SNX7: variants seen among roughly 807,000 people sequenced by gnomAD.
The protein encoded by SNX7 is sorting nexin 7.
SNX7 carries 35 observed loss-of-function variants against 48.4 expected under a neutral mutation model. The ratio of observed to expected loss-of-function variants is 0.72; its 90% CI spans 0.55 to 0.96. SNX7 has a LOEUF of 0.96. SNX7 is among the 40% of genes least tolerant of loss of function. The pLI is 0.00. For missense variants in SNX7, 553 were observed against 548.9 expected, an observed-to-expected ratio of 1.01 and a Z score of -0.07; for synonymous variants, 190 against 190.2, an observed-to-expected ratio of 1.00 and a Z score of 0.01.
At chr1:98,756,071 T>C (rs1306567807) in intron 8 of SNX7, among the ~76,000 whole-genome samples, 1 of 152,042 alleles carries the variant, frequency 6.6e-6, no homozygotes, top group Non-Finnish European at 1.5e-5. Flanking sequence ...GTATTAGATG[T>C]AACTCTTTTG....
chr1:98,736,751 GA>G (rs1398294876), intron 7 of SNX7, among the ~76,000 whole-genome samples: 3 of 152,072 alleles, frequency 2.0e-5, no homozygotes, highest in Non-Finnish European at 4.4e-5. Context: ...TGTGAAATAA[GA>G]ACAGAAGTGA....
chr1:98,701,989 C>T, intron 7 of SNX7, 86 bp downstream of exon 7: 1 of 901,798 alleles, frequency 1.1e-6, no homozygotes. Context: ...ATTGTCCTTA[C>T]ATGATTGTTT....
rs1455973542 is a variant in SNX7, at chr1:98,701,850, G to C, written c.1072G>C (p.Glu358Gln). 3 of 1,611,062 alleles carry C rather than the reference G, an allele frequency of 1.9e-6. No individual in the cohort carries two copies. Among genetic ancestry groups the C allele is most frequent in the Non-Finnish European group, 2.5e-6 (3 of 1,178,498 alleles). Residue 358 changes from glutamate (E) to glutamine (Q), a missense_variant, in exon 7 of 9, where the codon GAA (glutamate) becomes CAA (glutamine). Physicochemically the swap from Glu to Gln is conservative, Grantham distance 29. Transcript: ENST00000306121. ...VMKRRDQIQA[E>Q]LDSKVEVLTY... ...GAAAAGAAGAGACCAAATACAAGCA[G>C]AACTGGATTCCAAAGTTGAAGTTTT...
In SNX7 at chr1:98,694,596, A is replaced by ATTTTTTTT. The variant is rs764330196; in HGVS notation, c.640-900_640-893dup. Among the ~76,000 whole-genome samples the ATTTTTTTT allele has an allele frequency of 2.3e-3, 125 of 53,226 alleles. 20 individuals carry two copies. The highest frequency in any genetic ancestry group is 5.0e-3 in the African/African-American group (58 of 11,590). 34.9% of individuals were successfully genotyped at this position (53,226 alleles called of 152,430 possible). On this transcript the variant is annotated intron_variant, in intron 4 of 8. Transcript: ENST00000306121. ...TGCTCTACCACTTAATTGCTCTGGGATTTTTTTTTTTTTTTTTTTTTTTTT... is the reference window on the plus strand; with the variant it reads ...TGCTCTACCACTTAATTGCTCTGGGATTTTTTTTTTTTTTTTTTTTTTTTTTTTTTTTT...
At chr1:98,674,850 C>G (rs1470324531) in intron 1 of SNX7, among the ~76,000 whole-genome samples, 1 of 152,174 alleles carries the variant, frequency 6.6e-6, no homozygotes, top group Non-Finnish European at 1.5e-5. Context: ...CACAGGCTTT[C>G]TTCTCTATGA....
At chr1:98,686,950 A>G (rs900036825) in intron 2 of SNX7, among the ~76,000 whole-genome samples, 1 of 152,130 alleles carries the variant, frequency 6.6e-6, no homozygotes, top group Non-Finnish European at 1.5e-5. Context: ...TGTGAGTTTC[A>G]TTCTGATCAT....
intron 4 of SNX7, among the ~76,000 whole-genome samples, chr1:98,692,512 GTAT>G (rs1651196037): frequency 6.6e-6 from 1 of 151,960 alleles, no homozygotes; most frequent in African/African-American, 2.4e-5. Context: ...GGGTCCCATG[GTAT>G]TATTTCAGGT....
chr1:98,729,635 C>T (rs1042872545), intron 7 of SNX7, among the ~76,000 whole-genome samples: 3 of 152,070 alleles, frequency 2.0e-5, no homozygotes, highest in Non-Finnish European at 4.4e-5. Context: ...ATAAACACCT[C>T]TATGCAAATA....
intron 7 of SNX7, among the ~76,000 whole-genome samples, chr1:98,709,426 AT>A (rs1652184153): frequency 6.6e-6 from 1 of 152,152 alleles, no homozygotes. Flanking sequence ...GATACTTTAA[AT>A]TGTATCTGAA....
intron 8 of SNX7, among the ~76,000 whole-genome samples, chr1:98,748,657 C>CACACACAA (rs1288781924): frequency 6.6e-6 from 1 of 151,652 alleles, no homozygotes; most frequent in Non-Finnish European, 1.5e-5. Flanking sequence ...CACACACACA[C>CACACACAA]ACACACACAC....
At position 98,661,782 on chromosome 1, in the gene SNX7, CGGGGGCGCCAACGGGGAGAGCCCG is replaced by C. The variant is rs1269960374; in HGVS notation, c.59_82del (p.Ala20_Gly27del). The C allele has an allele frequency of 5.6e-6, 7 of 1,243,054 alleles. No individual in the cohort carries two copies. Among genetic ancestry groups the C allele is most frequent in the East Asian group, 6.3e-5 (2 of 31,592 alleles). 77.0% of individuals were successfully genotyped at this position (1,243,054 alleles called of 1,614,324 possible). ...AGGCGCCCTCCTCGGGCCTCCCGGC[CGGGGGCGCCAACGGGGAGAGCCCG>C]GGGGGCGGCGCCCCCTTTCCGGGCA... On this transcript the variant is annotated inframe_deletion, in exon 1 of 9. Transcript: ENST00000306121.
At chr1:98,662,366 G>T (rs1161833357) in intron 1 of SNX7, 1 of 169,406 alleles carries the variant, frequency 5.9e-6, no homozygotes, top group Non-Finnish European at 1.3e-5. Flanking sequence ...GTTGTTGCTT[G>T]TGGATTTGAG....
intron 7 of SNX7, among the ~76,000 whole-genome samples, chr1:98,714,472 A>T (rs1284375805): frequency 9.0e-6 from 1 of 111,416 alleles, no homozygotes; most frequent in East Asian, 2.3e-4. Flanking sequence ...GAAAATAAGT[A>T]AAAAAATTAA....
chr1:98,753,979 A>G (rs1023651055), intron 8 of SNX7, among the ~76,000 whole-genome samples: 1 of 152,122 alleles, frequency 6.6e-6, no homozygotes, highest in Non-Finnish European at 1.5e-5. Flanking sequence ...TAAAATACTA[A>G]TAACAGCTAA....
intron 1 of SNX7, 61 bp from the exon 2 acceptor site, chr1:98,684,824 C>A (rs1650695957): frequency 1.7e-6 from 2 of 1,187,632 alleles, no homozygotes; most frequent in Admixed American, 2.7e-5. Flanking sequence ...TTGATAGCAT[C>A]TAGAAATAGA....
At chr1:98,694,943 G>C (rs749992994) in intron 4 of SNX7, among the ~76,000 whole-genome samples, 1 of 151,936 alleles carries the variant, frequency 6.6e-6, no homozygotes, top group Non-Finnish European at 1.5e-5. Flanking sequence ...TAACTTTCCT[G>C]TGCCTCTATT....
At chr1:98,687,085 G>T (rs1482742123) in intron 2 of SNX7, among the ~76,000 whole-genome samples, 1 of 152,044 alleles carries the variant, frequency 6.6e-6, no homozygotes, top group African/African-American at 2.4e-5. Context: ...TTTACTGTGT[G>T]ACTGCTTTGT....
At chr1:98,663,280 T>TCGGGGC (rs1649362962) in intron 1 of SNX7, among the ~76,000 whole-genome samples, 2 of 112,998 alleles carry the variant, frequency 1.8e-5, no homozygotes, top group Admixed American at 9.4e-5. Context: ...TTTTTTTTTT[T>TCGGGGC]TTTTTTTTTT....
intron 7 of SNX7, among the ~76,000 whole-genome samples, chr1:98,730,025 A>C (rs1570582584): frequency 6.6e-6 from 1 of 152,310 alleles, no homozygotes; most frequent in East Asian, 1.9e-4. Context: ...ATACTGGCAA[A>C]CCAAATCCAG....
Sources: allele counts gnomAD v4.1 joint callset (sites outside exome capture counted in the v4.1 genomes callset), GRCh38; gene constraint gnomAD v4.1.1; transcripts MANE v1.5; gene names NCBI Gene and HGNC (gene_info 2026-07-23, HGNC 2026-07-21).